The following RSPH3 variants were observed in gnomAD, a reference collection of about 807,000 sequenced individuals.
RSPH3 encodes the protein radial spoke head protein 3 homolog.
A neutral mutation model predicts 43.8 loss-of-function variants in RSPH3; 21 were observed. That is an observed-to-expected ratio of 0.48 (90% CI 0.34 to 0.69). The LOEUF is 0.69. RSPH3 is among the 30% of genes least tolerant of loss of function. The pLI, the probability that RSPH3 is intolerant of heterozygous loss-of-function variation, is 0.01. For synonymous variants in RSPH3, 173 were observed against 179.8 expected (o/e 0.96, Z 0.30); for missense variants, 487 against 516.0 (o/e 0.94, Z 0.54).
rs1355417466 is a variant in RSPH3 at position 159,000,132 on chromosome 6, C to T, written c.-582G>A. 1.3e-6 allele frequency: 1 copy of T among 751,224 alleles called. No individual in the cohort carries two copies. Among genetic ancestry groups the T allele is most frequent in the Non-Finnish European group, 2.0e-6 (1 of 492,752 alleles). 46.5% of individuals were successfully genotyped at this position (751,224 alleles called of 1,614,324 possible). On this transcript the variant is annotated 5_prime_UTR_variant, in exon 1 of 8. Coordinates refer to ENST00000367069, the MANE Select transcript of RSPH3 (RefSeq NM_031924.8). The stretch of plus-strand genomic sequence containing the variant: ...TCCTGCCGCGGCGCAGCAGCGCTCC[C>T]AGGCTGCCCCCGCGATAACACGCCC...
At chr6:158,982,821 T>G in intron 4 of RSPH3, 133 bp from the exon 5 acceptor site, 1 of 604,350 alleles carries the variant, frequency 1.7e-6, no homozygotes, top group Non-Finnish European at 2.8e-6. Context: ...TGCTGGTGCT[T>G]TATTCATGGT....
intron 3 of RSPH3, among the ~76,000 whole-genome samples, chr6:158,985,976 G>C (rs977639937): frequency 5.3e-5 from 8 of 151,852 alleles, no homozygotes; most frequent in Non-Finnish European, 7.4e-5. Context: ...ACCATGCCCA[G>C]CTAATTTTTG....
At chr6:158,980,009 T>G (rs1170288986) in intron 6 of RSPH3, among the ~76,000 whole-genome samples, 4 of 152,208 alleles carry the variant, frequency 2.6e-5, no homozygotes, top group African/African-American at 9.6e-5. Context: ...TAAATGACCT[T>G]GATAGCTGCC....
chr6:158,978,529 A>AT (rs1335371960), intron 6 of RSPH3, among the ~76,000 whole-genome samples, 183 bp from the exon 7 acceptor site: 1 of 151,730 alleles, frequency 6.6e-6, no homozygotes, highest in Non-Finnish European at 1.5e-5. Flanking sequence ...TGCATAAGTG[A>AT]TTTTTTATTT....
At chr6:158,972,849 G>A (rs1338356264), downstream of RSPH3, 9 of 152,094 alleles carry the variant, frequency 5.9e-5, no homozygotes, top group African/African-American at 1.9e-4. Flanking sequence ...TTATTCTCTT[G>A]TTTATGAAAA....
chr6:158,985,227 C>T (rs992861354), intron 3 of RSPH3, among the ~76,000 whole-genome samples: 5 of 152,146 alleles, frequency 3.3e-5, no homozygotes, highest in African/African-American at 7.2e-5. Context: ...ATGTGCACAG[C>T]GACAGAACCA....
intron 3 of RSPH3, among the ~76,000 whole-genome samples, chr6:158,984,236 A>G (rs2128607156): frequency 6.6e-6 from 1 of 152,012 alleles, no homozygotes; most frequent in Non-Finnish European, 1.5e-5. Flanking sequence ...TATTAGAATA[A>G]AAGTGCTCAA....
chr6:158,996,908 A>T (rs1778614014), intron 1 of RSPH3, among the ~76,000 whole-genome samples: 1 of 152,184 alleles, frequency 6.6e-6, no homozygotes, highest in Admixed American at 6.5e-5. Context: ...TGTTTGGAAC[A>T]TGGGTGGATC....
intron 5 of RSPH3, among the ~76,000 whole-genome samples, chr6:158,982,178 T>C (rs1479900529): frequency 6.6e-6 from 1 of 152,216 alleles, no homozygotes; most frequent in Non-Finnish European, 1.5e-5. Context: ...TTTCTTTCTT[T>C]AGGACTCCTG....
chr6:158,983,271 TGA>T (rs1389936647), intron 4 of RSPH3, among the ~76,000 whole-genome samples: 1 of 152,092 alleles, frequency 6.6e-6, no homozygotes, highest in Non-Finnish European at 1.5e-5. Flanking sequence ...TTTTTTTAAA[TGA>T]GAGAATATCT....
chr6:158,991,089 G>A, intron 2 of RSPH3, among the ~76,000 whole-genome samples: 1 of 151,694 alleles, frequency 6.6e-6, no homozygotes, highest in East Asian at 1.9e-4. Flanking sequence ...GTATTTCTTT[G>A]CTAAGATTTT....
rs1391335865 is a variant in RSPH3, at chr6:158,977,734, G to A, written c.1061C>T (p.Ser354Leu). 6.2e-7 allele frequency: 1 copy of A among 1,614,178 alleles called. No homozygotes were observed. The highest frequency in any genetic ancestry group is 8.5e-7 in the Non-Finnish European group (1 of 1,180,016). The change falls in exon 8 of 8, where the codon TCA becomes TTA. Residue 354 changes from serine to leucine, a missense_variant. Physicochemically the swap from Ser to Leu is moderately radical, Grantham distance 145 (BLOSUM62 -2). Coordinates refer to ENST00000367069, the MANE Select transcript of RSPH3 (RefSeq NM_031924.8). ...EPGGPGAMTE[S>L]LEASEFLEQS... is the part of the protein sequence containing the mutation. The stretch of plus-strand genomic sequence containing the variant: ...CTCCAGGAATTCAGAGGCCTCCAGT[G>A]ACTCTGTCATTGCTCCAGGACCACC...
rs1460164047 is a variant in RSPH3, at chr6:158,977,800, C to T, written c.995G>A (p.Gly332Glu). The T allele has an allele frequency of 5.0e-6, 8 of 1,613,980 alleles. No individual in the cohort carries two copies. The Admixed American group carries it at 1.0e-4, about 20-fold the overall frequency. The change falls in exon 8 of 8, where the codon GGG (glycine) becomes GAG (glutamate). Residue 332 changes from glycine (G) to glutamate (E), a missense_variant. By Grantham distance (98) the Gly-to-Glu change is moderately conservative. Transcript: ENST00000367069. ...TTCTGGAGACTGATGTGTGTCTTCC[C>T]CATGCTCATACATACACAGCCTCTT... Reference protein sequence around the residue: ...VEKRLCMYEHGEDTHQSPEPE... With the variant: ...VEKRLCMYEHEEDTHQSPEPE...
At position 158,989,773 on chromosome 6, in the gene RSPH3, A is replaced by C. The variant is rs191627390; in HGVS notation, c.205-3352T>G. Among the ~76,000 whole-genome samples the C allele has an allele frequency of 3.9e-4, 59 of 152,292 alleles. No homozygotes were observed. Among genetic ancestry groups the C allele is most frequent in the African/African-American group, 1.4e-3 (57 of 41,560 alleles). The stretch of plus-strand genomic sequence containing the variant: ...CACCTTGATCTTTTTCCAGTGCAGA[A>C]ATCACAAGTCAGAGATAAATCCTTG... On this transcript the variant is annotated intron_variant, in intron 2 of 7. Transcript: ENST00000367069. The surrounding 1 kb of genome is among the most constrained non-coding windows in gnomAD (Gnocchi z 4.3).
At position 158,983,677 on chromosome 6, in the gene RSPH3, T is replaced by C. The variant is rs1251681625; in HGVS notation, c.477A>G (p.Gln159=). The C allele has an allele frequency of 6.2e-7, 1 of 1,613,376 alleles. No individual in the cohort carries two copies. The highest frequency in any genetic ancestry group is 1.1e-5 in the South Asian group (1 of 91,054). ...PAKTGKDVAT[Q]ILEGELFDFD... is the part of the protein sequence containing the mutation. ...TGTACTGTACCTCTCCTTCTAGTATTTGGGTGGCCACATCTTTGCCAGTTT... is the reference window on the plus strand; with the variant it reads ...TGTACTGTACCTCTCCTTCTAGTATCTGGGTGGCCACATCTTTGCCAGTTT... The change falls in exon 4 of 8, where the codon CAA becomes CAG. Residue 159 remains glutamine, a synonymous_variant. Coordinates refer to ENST00000367069, the MANE Select transcript of RSPH3 (RefSeq NM_031924.8).
chr6:158,965,594 C>T, the RSPH3 span, among the ~76,000 whole-genome samples: 1 of 151,980 alleles, frequency 6.6e-6, no homozygotes, highest in Non-Finnish European at 1.5e-5. Flanking sequence ...TTGTTCATTG[C>T]CAATGTATAA....
chr6:158,988,137 G>C (rs1778292275), intron 2 of RSPH3: 1 of 151,384 alleles, frequency 6.6e-6, no homozygotes, highest in African/African-American at 2.4e-5. Flanking sequence ...TAACTTTGTG[G>C]ATACAATATT....
intron 2 of RSPH3, among the ~76,000 whole-genome samples, chr6:158,992,457 GTTT>G (rs35383020): frequency 0.12 from 14,843 of 127,730 alleles, 1,248 homozygotes; most frequent in East Asian, 0.39. Context: ...TTTTTGTGGG[GTTT>G]TTTTTTTTTT....
chr6:158,994,755 T>G (rs1778535588), intron 1 of RSPH3, among the ~76,000 whole-genome samples: 1 of 152,246 alleles, frequency 6.6e-6, no homozygotes, highest in Non-Finnish European at 1.5e-5. Context: ...CCATTCAAAG[T>G]TATTTCAATT....
Sources: gnomAD v4.1 joint callset for allele counts (sites outside exome capture counted in the v4.1 genomes callset) on GRCh38, gnomAD v4.1.1 for gene constraint, Gnocchi (gnomAD v3.1) non-coding constraint, MANE v1.5 for transcripts, NCBI Gene and HGNC (gene_info 2026-07-23, HGNC 2026-07-21) for gene names.